The following NETO2 variants were observed in gnomAD, a reference collection of about 807,000 sequenced individuals.
NETO2 encodes the protein neuropilin and tolloid-like protein 2.
Under a neutral mutation model 62.5 loss-of-function variants are expected in NETO2, and 28 were observed. The ratio of observed to expected loss-of-function variants is 0.45; its 90% CI spans 0.33 to 0.61. NETO2 has a LOEUF of 0.61. NETO2 is among the 20% of genes least tolerant of loss of function. The pLI is 0.02. For missense variants in NETO2, 548 were observed against 643.2 expected, an observed-to-expected ratio of 0.85 and a Z score of 1.60; for synonymous variants, 214 against 219.1, an observed-to-expected ratio of 0.98 and a Z score of 0.21.
intron 1 of NETO2, among the ~76,000 whole-genome samples, chr16:47,137,162 C>G (rs1964375327): frequency 6.6e-6 from 1 of 152,134 alleles, no homozygotes; most frequent in Non-Finnish European, 1.5e-5. Context: ...TGTGCAAATC[C>G]CACCAGCATT....
intron 6 of NETO2, among the ~76,000 whole-genome samples, chr16:47,118,869 A>C (rs1963977221): frequency 6.6e-6 from 1 of 152,184 alleles, no homozygotes; most frequent in Non-Finnish European, 1.5e-5. Context: ...AAACAAATAA[A>C]TAACTTAATA....
At position 47,079,331 on chromosome 16, in the gene NETO2, C is replaced by CA. The variant is rs983536615; in HGVS notation, c.*3889dup. On this transcript the variant is annotated 3_prime_UTR_variant, in exon 9 of 9. Transcript: ENST00000562435. ...AAACAGAAGGCCAGGCGCGGTGGCT[C>CA]ACGCCTGTAATCCCAGCACTTTGGG... is the stretch of plus-strand genomic sequence containing the variant. The CA allele has an allele frequency of 6.7e-6, 1 of 149,568 alleles. No homozygotes were observed. Among genetic ancestry groups the CA allele is most frequent in the African/African-American group, 2.5e-5 (1 of 40,382 alleles). 9.3% of individuals were successfully genotyped at this position (149,568 alleles called of 1,614,324 possible).
Position 47,081,913 on chromosome 16 carries a change from C to T in NETO2, c.*1308G>A, listed in dbSNP as rs1963068546. 6.6e-6 allele frequency: 1 copy of T among 152,488 alleles called. No individual in the cohort carries two copies. The highest frequency in any genetic ancestry group is 6.6e-5 in the Admixed American group (1 of 15,256). 9.4% of individuals were successfully genotyped at this position (152,488 alleles called of 1,614,324 possible). On this transcript the variant is annotated 3_prime_UTR_variant, in exon 9 of 9. Coordinates refer to ENST00000562435, the MANE Select transcript of NETO2 (RefSeq NM_018092.5). Reference sequence around the variant, plus strand: ...CAAAAGGAAAGAAAGAGCTTATGTCCACATTTCCAAGGTCTTTACAATAAG... The same window carrying T: ...CAAAAGGAAAGAAAGAGCTTATGTCTACATTTCCAAGGTCTTTACAATAAG...
intron 6 of NETO2, among the ~76,000 whole-genome samples, chr16:47,114,173 TAC>T (rs780002780): frequency 1.3e-5 from 2 of 152,156 alleles, no homozygotes; most frequent in African/African-American, 2.4e-5. Context: ...TTTTCTAAAT[TAC>T]AGTTATTCTA....
chr16:47,115,724 TATATATAC>T (rs912766263), intron 6 of NETO2, among the ~76,000 whole-genome samples: 1 of 140,458 alleles, frequency 7.1e-6, no homozygotes, highest in African/African-American at 2.9e-5. Context: ...CATATATATA[TATATATAC>T]ATGTATATAT....
chr16:47,085,125 T>G (rs2143797408), intron 8 of NETO2, among the ~76,000 whole-genome samples: 1 of 152,308 alleles, frequency 6.6e-6, no homozygotes, highest in East Asian at 1.9e-4. Context: ...TACCACAAGC[T>G]GCATTTATCT....
At chr16:47,137,495 G>C (rs945199645) in intron 1 of NETO2, among the ~76,000 whole-genome samples, 1 of 152,182 alleles carries the variant, frequency 6.6e-6, no homozygotes, top group African/African-American at 2.4e-5. Flanking sequence ...GGCAGGGCAG[G>C]GGTGGGCGAA....
intron 6 of NETO2, among the ~76,000 whole-genome samples, chr16:47,120,872 C>T (rs1003941928): frequency 6.6e-6 from 1 of 151,970 alleles, no homozygotes; most frequent in Non-Finnish European, 1.5e-5. Context: ...CTGTGTCATG[C>T]TTTTCATTAG....
At chr16:47,133,836 A>T (rs1364251009) in intron 1 of NETO2, among the ~76,000 whole-genome samples, 2 of 152,110 alleles carry the variant, frequency 1.3e-5, no homozygotes, top group Non-Finnish European at 2.9e-5. Context: ...TTCTAACTAT[A>T]ATGAGAAGCC....
At chr16:47,139,203 T>C (rs1964417777) in intron 1 of NETO2, among the ~76,000 whole-genome samples, 1 of 152,206 alleles carries the variant, frequency 6.6e-6, no homozygotes, top group African/African-American at 2.4e-5. Flanking sequence ...TGGGGGTGAC[T>C]GAGCGCGACT....
chr16:47,143,944 G>C lies in NETO2; in HGVS notation c.-332C>G, dbSNP rs1199624309. 6.2e-6 allele frequency: 1 copy of C among 162,218 alleles called. No homozygotes were observed. The highest frequency in any genetic ancestry group is 2.4e-5 in the African/African-American group (1 of 41,462). 10.0% of individuals were successfully genotyped at this position (162,218 alleles called of 1,614,324 possible). On this transcript the variant is annotated 5_prime_UTR_variant, in exon 1 of 9. Transcript: ENST00000562435. Reference sequence around the variant, plus strand: ...CGGCCCCGGCGCGGGATCCACTGAAGTGGCGGGCGCGGGGCGCCCAGGCTC... The same window carrying C: ...CGGCCCCGGCGCGGGATCCACTGAACTGGCGGGCGCGGGGCGCCCAGGCTC...
At chr16:47,106,629 T>C (rs1294057282) in intron 7 of NETO2, among the ~76,000 whole-genome samples, 3 of 152,214 alleles carry the variant, frequency 2.0e-5, no homozygotes, top group African/African-American at 4.8e-5. Context: ...CATTATTCAC[T>C]GTAGCTTCTT....
intron 1 of NETO2, among the ~76,000 whole-genome samples, chr16:47,138,944 A>C (rs559633948): frequency 2.0e-5 from 3 of 152,240 alleles, no homozygotes; most frequent in East Asian, 3.9e-4. Context: ...TCGGCCTAGA[A>C]TCTCTTTGGC....
At chr16:47,103,846 C>A (rs1180114962) in intron 7 of NETO2, among the ~76,000 whole-genome samples, 1 of 152,034 alleles carries the variant, frequency 6.6e-6, no homozygotes, top group Non-Finnish European at 1.5e-5. Context: ...TTCATAAGAA[C>A]ATTCAATTAA....
intron 3 of NETO2, 86 bp downstream of exon 3, chr16:47,129,138 A>C: frequency 3.2e-6 from 4 of 1,247,998 alleles, no homozygotes; most frequent in Non-Finnish European, 4.6e-6. Flanking sequence ...ATTTCATTCA[A>C]ACTGGTTTAC....
At chr16:47,096,405 T>C (rs1214289752) in intron 7 of NETO2, among the ~76,000 whole-genome samples, 2 of 152,132 alleles carry the variant, frequency 1.3e-5, no homozygotes, top group Admixed American at 1.3e-4. Flanking sequence ...AACCTGTGGC[T>C]AGAATTATTA....
rs145321104 is a variant in NETO2, at chr16:47,082,951, C to T, written c.*270G>A. 6.2e-3 allele frequency: 2,171 copies of T among 352,424 alleles called. 14 individuals carry two copies. Among genetic ancestry groups the T allele is most frequent in the Middle Eastern group, 0.012 (16 of 1,292 alleles). 21.8% of individuals were successfully genotyped at this position (352,424 alleles called of 1,614,324 possible). ...GCCTGGCTCCATCCAACCACCTCTT[C>T]TAATGCTCTTTAACTGGCAGTGCTT... On this transcript the variant is annotated 3_prime_UTR_variant, in exon 9 of 9. Transcript: ENST00000562435.
intron 1 of NETO2, among the ~76,000 whole-genome samples, chr16:47,138,806 AG>A (rs1964407832): frequency 6.6e-6 from 1 of 152,174 alleles, no homozygotes; most frequent in Non-Finnish European, 1.5e-5. Flanking sequence ...CTGACTTCGG[AG>A]GTACTATGTG....
intron 1 of NETO2, among the ~76,000 whole-genome samples, chr16:47,136,313 C>T (rs1303555252): frequency 6.6e-6 from 1 of 152,046 alleles, no homozygotes; most frequent in African/African-American, 2.4e-5. Context: ...GGCAATGAAC[C>T]AAACAGACAA....
Sources: allele counts gnomAD v4.1 joint callset (sites outside exome capture counted in the v4.1 genomes callset), GRCh38; gene constraint gnomAD v4.1.1; transcripts MANE v1.5; gene names NCBI Gene and HGNC (gene_info 2026-07-23, HGNC 2026-07-21).